The following CCR7 variants were observed in gnomAD, a reference collection of about 807,000 sequenced individuals.
CCR7 encodes C-C motif chemokine receptor 7.
A neutral mutation model predicts 26.0 loss-of-function variants in CCR7; 11 were observed. The observed-to-expected ratio is 0.42, with a 90% confidence interval of 0.27 to 0.70. CCR7 has a LOEUF of 0.70. Ranked by LOEUF, CCR7 falls within the 30% of genes least tolerant of loss-of-function variation. The pLI is 0.23. For missense variants in CCR7, 360 were observed against 504.0 expected, an observed-to-expected ratio of 0.71 and a Z score of 2.74; for synonymous variants, 189 against 202.1, an observed-to-expected ratio of 0.94 and a Z score of 0.55.
chr17:40,565,420 G>A lies in CCR7; in HGVS notation c.-11C>T. 6.2e-7 allele frequency: 1 copy of A among 1,613,376 alleles called. No homozygotes were observed. Among genetic ancestry groups the A allele is most frequent in the Non-Finnish European group, 8.5e-7 (1 of 1,179,392 alleles). On this transcript the variant is annotated 5_prime_UTR_variant, in exon 1 of 3. Coordinates refer to ENST00000246657, the MANE Select transcript of CCR7 (RefSeq NM_001838.4). ...CTCACCCAGGTCCATGACGCTCTCT[G>A]GGCGGTAAAACCACACAGGAAGGCT... is the stretch of plus-strand genomic sequence containing the variant.
intron 1 of CCR7, chr17:40,561,017 G>T (rs1334046851): frequency 1.3e-5 from 2 of 152,218 alleles, no homozygotes; most frequent in Non-Finnish European, 2.9e-5. Flanking sequence ...TCTAGAGGTC[G>T]AGTCTCGAGG....
intron 2 of CCR7, among the ~76,000 whole-genome samples, chr17:40,556,702 T>C (rs548512382): frequency 6.6e-6 from 1 of 152,334 alleles, no homozygotes; most frequent in Admixed American, 6.5e-5. Context: ...TGTGTCTTTC[T>C]TCTTGACCCT....
intron 1 of CCR7, among the ~76,000 whole-genome samples, chr17:40,564,730 T>C (rs184831428): frequency 7.5e-4 from 114 of 152,300 alleles, no homozygotes; most frequent in African/African-American, 2.6e-3. Context: ...GGCTATGATT[T>C]CTCCAAGCTG....
At chr17:40,557,004 G>A (rs758966398) in intron 2 of CCR7, among the ~76,000 whole-genome samples, 8 of 152,170 alleles carry the variant, frequency 5.3e-5, no homozygotes, top group Non-Finnish European at 1.0e-4. Flanking sequence ...GGCCATGGGG[G>A]TGGGGGCGAG....
rs750127202 is a variant in CCR7, at chr17:40,555,132, G to A, written c.747C>T (p.Thr249=). 6.2e-7 allele frequency: 1 copy of A among 1,614,050 alleles called. No individual in the cohort carries two copies. Among genetic ancestry groups the A allele is most frequent in the South Asian group, 1.1e-5 (1 of 91,080 alleles). The part of the protein sequence containing the change: ...MSFCYLVIIR[T]LLQARNFERN... Reference sequence around the variant, plus strand: ...GCTCAAAGTTGCGTGCCTGGAGCAGGGTGCGGATGATGACAAGGTAACAGA... The same window carrying A: ...GCTCAAAGTTGCGTGCCTGGAGCAGAGTGCGGATGATGACAAGGTAACAGA... The change falls in exon 3 of 3, where the codon ACC becomes ACT. Residue 249 remains threonine, a synonymous_variant. Coordinates refer to ENST00000246657, the MANE Select transcript of CCR7 (RefSeq NM_001838.4). This position sits in a 1 kb window ranked among gnomAD's most constrained non-coding sequence, Gnocchi z 5.6.
chr17:40,564,651 A>C (rs2036689425), intron 1 of CCR7, among the ~76,000 whole-genome samples: 21 of 152,142 alleles, frequency 1.4e-4, no homozygotes, highest in Admixed American at 1.4e-3. Context: ...GGCTTTCTAA[A>C]GAGTAGAGTT....
rs778708879 is a variant in CCR7, at chr17:40,555,818, C to T, written c.61G>A (p.Val21Ile). 3 of 1,607,192 alleles carry T rather than the reference C, an allele frequency of 1.9e-6. No individual in the cohort carries two copies. The South Asian group carries it at 3.3e-5, about 18-fold the overall frequency. Reference protein sequence around the residue: ...LVVALLVIFQVCLCQDEVTDD... With the variant: ...LVVALLVIFQICLCQDEVTDD... ...GTGACCTCATCTTGACACAGGCATA[C>T]CTTCGGGGAAGGAAATGAGGGAAAA... is the stretch of plus-strand genomic sequence containing the variant. The change falls in exon 3 of 3, where the codon GTA (valine) becomes ATA (isoleucine). Residue 21 changes from valine (V) to isoleucine (I), a missense_variant and splice_region_variant. By Grantham distance (29) the Val-to-Ile change is conservative. Transcript: ENST00000246657. The surrounding 1 kb of genome is among the most constrained non-coding windows in gnomAD (Gnocchi z 5.6).
At position 40,561,791 on chromosome 17, in the gene CCR7, C is replaced by T. The variant is rs555226327; in HGVS notation, c.11-2849G>A. 3.3e-5 allele frequency among the ~76,000 whole-genome samples: 5 copies of T among 152,244 alleles called. No homozygotes were observed. In the South Asian group the frequency reaches 8.3e-4, roughly 25 times the overall value. Reference sequence around the variant, plus strand: ...TCACCTGCCAACACAACTTTTCTCTCTCTCTCTTTTTTTTTGGATAAGGGA... The same window carrying T: ...TCACCTGCCAACACAACTTTTCTCTTTCTCTCTTTTTTTTTGGATAAGGGA... On this transcript the variant is annotated intron_variant, in intron 1 of 2. Coordinates refer to ENST00000246657, the MANE Select transcript of CCR7 (RefSeq NM_001838.4).
chr17:40,554,481 G>A lies in CCR7; in HGVS notation c.*261C>T. 1 of 478,458 alleles carries A rather than the reference G, an allele frequency of 2.1e-6. No homozygotes were observed. The highest frequency in any genetic ancestry group is 3.7e-6 in the Non-Finnish European group (1 of 269,622). The allele number at this position is 478,458 out of a possible 1,614,324, so 29.6% of individuals were successfully genotyped here. A position where few individuals can be genotyped will look rare whatever the true frequency, so the allele number is the denominator to read the frequency against. ...TTCTGGACTTTCACTTTCAGTTTTT[G>A]GTTTAGGGGACAATAGCCTCTGTTT... On this transcript the variant is annotated 3_prime_UTR_variant, in exon 3 of 3. Transcript: ENST00000246657.
chr17:40,561,860 G>C (rs2036659225), intron 1 of CCR7, among the ~76,000 whole-genome samples: 1 of 152,092 alleles, frequency 6.6e-6, no homozygotes, highest in South Asian at 2.1e-4. Context: ...TAGAGATCTG[G>C]GGAATCCACT....
chr17:40,560,098 G>T (rs897278434), intron 1 of CCR7, among the ~76,000 whole-genome samples: 9 of 152,206 alleles, frequency 5.9e-5, no homozygotes, highest in African/African-American at 9.7e-5. Context: ...ACAAGGCCCA[G>T]ATGTGCTCAG....
At chr17:40,559,689 T>C (rs2143914378) in intron 1 of CCR7, among the ~76,000 whole-genome samples, 1 of 152,340 alleles carries the variant, frequency 6.6e-6, no homozygotes, top group African/African-American at 2.4e-5. Context: ...TTCCCTTTTA[T>C]CTTGTGCAGG....
At chr17:40,560,587 A>T (rs2036643862) in intron 1 of CCR7, 1 of 152,350 alleles carries the variant, frequency 6.6e-6, no homozygotes, top group Non-Finnish European at 1.5e-5. Context: ...ATAAATAAAT[A>T]GGTATTTCTC....
chr17:40,559,466 C>A (rs1360115579), intron 1 of CCR7, among the ~76,000 whole-genome samples: 1 of 152,208 alleles, frequency 6.6e-6, no homozygotes, highest in African/African-American at 2.4e-5. Flanking sequence ...TGAAGCCAAG[C>A]CTGAGTGTCT....
intron 2 of CCR7, among the ~76,000 whole-genome samples, chr17:40,556,321 C>T (rs2036587021): frequency 6.6e-6 from 1 of 152,146 alleles, no homozygotes; most frequent in South Asian, 2.1e-4. Flanking sequence ...ATTTTAACTC[C>T]AATACGCATC....
Position 40,554,787 on chromosome 17 carries a change from G to T in CCR7, c.1092C>A (p.Ser364=), listed in dbSNP as rs767647420. Residue 364 remains serine (S), a synonymous_variant, in exon 3 of 3, where the codon TCC becomes TCA. Transcript: ENST00000246657. The part of the protein sequence containing the change: ...QWSSCRHIRR[S]SMSVEAETTT... ...TGGTCTCGGCCTCCACACTCATGGA[G>T]GAGCGCCGGATGTGCCGACAGGAAG... The T allele has an allele frequency of 1.9e-6, 3 of 1,613,926 alleles. No individual in the cohort carries two copies. The highest frequency in any genetic ancestry group is 2.5e-6 in the Non-Finnish European group (3 of 1,179,936).
At position 40,554,593 on chromosome 17, in the gene CCR7, T is replaced by C. The variant is rs536307412; in HGVS notation, c.*149A>G. The C allele has an allele frequency of 4.4e-6, 3 of 687,658 alleles. No individual in the cohort carries two copies. Among genetic ancestry groups the C allele is most frequent in the Middle Eastern group, 3.8e-4 (1 of 2,634 alleles). The allele number at this position is 687,658 out of a possible 1,614,324, so 42.6% of individuals were successfully genotyped here. A position where few individuals can be genotyped will look rare whatever the true frequency, so the allele number is the denominator to read the frequency against. ...TAGCTGGGATTGGGGTGAAGCTATCTTCTGGAGCAGGGGCTTGCACTCTGA... is the reference window on the plus strand; with the variant it reads ...TAGCTGGGATTGGGGTGAAGCTATCCTCTGGAGCAGGGGCTTGCACTCTGA... On this transcript the variant is annotated 3_prime_UTR_variant, in exon 3 of 3. Coordinates refer to ENST00000246657, the MANE Select transcript of CCR7 (RefSeq NM_001838.4).
chr17:40,562,490 A>AAGAGGTGG (rs1025326267), intron 1 of CCR7, among the ~76,000 whole-genome samples: 5 of 152,102 alleles, frequency 3.3e-5, no homozygotes, highest in African/African-American at 1.2e-4. Flanking sequence ...CGGCCCCCAA[A>AAGAGGTGG]AGAGCCGGCC....
At position 40,553,981 on chromosome 17, in the gene CCR7, C is replaced by T. The variant is rs2036545022; in HGVS notation, c.*761G>A. The T allele has an allele frequency of 6.6e-6, 1 of 152,128 alleles. No homozygotes were observed. Among genetic ancestry groups the T allele is most frequent in the South Asian group, 2.1e-4 (1 of 4,830 alleles). 9.4% of individuals were successfully genotyped at this position (152,128 alleles called of 1,614,324 possible). A position where few individuals can be genotyped will look rare whatever the true frequency, so the allele number is the denominator to read the frequency against. On this transcript the variant is annotated 3_prime_UTR_variant, in exon 3 of 3. Transcript: ENST00000246657. ...TCACCCTCCCCGCCCCTGACATTTCCCTTGTCCTCTCCTCCCATCCCAGTG... is the reference window on the plus strand; with the variant it reads ...TCACCCTCCCCGCCCCTGACATTTCTCTTGTCCTCTCCTCCCATCCCAGTG...
Sources: allele counts gnomAD v4.1 joint callset (sites outside exome capture counted in the v4.1 genomes callset), GRCh38; gene constraint gnomAD v4.1.1; non-coding constraint Gnocchi (gnomAD v3.1); transcripts MANE v1.5; gene names NCBI Gene and HGNC (gene_info 2026-07-23, HGNC 2026-07-21).